The following FAAH2 variants were observed in gnomAD, a reference collection of about 807,000 sequenced individuals.
FAAH2 encodes fatty acid amide hydrolase 2.
In FAAH2, 60 loss-of-function variants were observed where a neutral mutation model predicts 36.9. The observed-to-expected ratio is 1.63, with a 90% confidence interval of 1.32 to 2.02. The LOEUF is 2.02. Ranked by LOEUF, FAAH2 falls within the 30% of genes most tolerant of loss-of-function variation. The pLI is 0.00. For synonymous variants in FAAH2, 214 were observed against 143.8 expected (o/e 1.49, Z -3.49); for missense variants, 689 against 397.5 (o/e 1.73, Z -6.23).
At chrX:57,157,686 C>G in the FAAH2 span, among the ~76,000 whole-genome samples, 1 of 111,909 alleles carries the variant, frequency 8.9e-6, no homozygotes, top group Non-Finnish European at 1.9e-5. Flanking sequence ...TGTGATCAAT[C>G]ACCTGACGTT....
rs1394582342 is a variant in FAAH2 at position 57,428,463 on chromosome X, G to T, written c.997-3455G>T. Among the ~76,000 whole-genome samples the T allele has an allele frequency of 3.6e-5, 4 of 111,590 alleles. No homozygotes were observed. The East Asian group carries it at 8.4e-4, about 23-fold the overall frequency. On this transcript the variant is annotated intron_variant, in intron 7 of 10. Transcript: ENST00000374900. ...ATCCTATGCAAAAGGAACTAAGTCG[G>T]ATGCATCACATTACCTAATTTCAAA...
chrX:57,404,343 A>G (rs374037478), intron 7 of FAAH2, among the ~76,000 whole-genome samples: 1 of 111,556 alleles, frequency 9.0e-6, no homozygotes, highest in Admixed American at 9.5e-5. Flanking sequence ...GTCTTTGTAG[A>G]TGGATTTTGG....
intron 7 of FAAH2, chrX:57,393,400 G>T: frequency 2.6e-6 from 2 of 755,152 alleles, no homozygotes; most frequent in Non-Finnish European, 4.2e-6. Flanking sequence ...GGGATTTGAT[G>T]TTAAGAAACT....
chrX:57,403,624 A>T, intron 7 of FAAH2, among the ~76,000 whole-genome samples: 1 of 112,747 alleles, frequency 8.9e-6, no homozygotes, highest in Non-Finnish European at 1.9e-5. Context: ...TTCTGTAAGT[A>T]TTTTAAGGCT....
intron 7 of FAAH2, among the ~76,000 whole-genome samples, chrX:57,396,633 G>A (rs1351337883): frequency 2.7e-5 from 3 of 111,471 alleles, no homozygotes; most frequent in African/African-American, 6.5e-5. Context: ...CCATGTATTT[G>A]TGTTGTTTTG....
chrX:57,186,224 G>A, the FAAH2 span, among the ~76,000 whole-genome samples: 46 of 111,198 alleles, frequency 4.1e-4, no homozygotes, highest in African/African-American at 1.5e-3. Flanking sequence ...ACATCCTGCC[G>A]GCATCTGTTG....
the FAAH2 span, among the ~76,000 whole-genome samples, chrX:57,189,637 C>G: frequency 1.8e-5 from 2 of 111,500 alleles, no homozygotes; most frequent in South Asian, 7.6e-4. Flanking sequence ...TTCTAACAAT[C>G]AGGCCCGTCT....
At chrX:57,187,335 TG>T in the FAAH2 span, among the ~76,000 whole-genome samples, 1 of 110,643 alleles carries the variant, frequency 9.0e-6, no homozygotes, top group Non-Finnish European at 1.9e-5. Flanking sequence ...CAATTGTGAA[TG>T]GGGGTTCACT....
intron 7 of FAAH2, among the ~76,000 whole-genome samples, chrX:57,423,084 T>G (rs1200372664): frequency 9.0e-6 from 1 of 111,554 alleles, no homozygotes; most frequent in Non-Finnish European, 1.9e-5. Context: ...AAGCACAGGA[T>G]CTGACTTGGT....
At chrX:57,313,010 T>C (rs1051394503) in intron 3 of FAAH2, among the ~76,000 whole-genome samples, 2 of 110,513 alleles carry the variant, frequency 1.8e-5, no homozygotes, top group African/African-American at 6.6e-5. Context: ...ATCCAAGAGA[T>C]GGGAGAAAAA....
At chrX:57,184,626 A>G in the FAAH2 span, among the ~76,000 whole-genome samples, 5 of 112,875 alleles carry the variant, frequency 4.4e-5, no homozygotes, top group South Asian at 3.6e-4. Context: ...TCTGAACAGT[A>G]AAAGTTCCAA....
At chrX:57,324,958 A>T (rs1476984274) in intron 3 of FAAH2, among the ~76,000 whole-genome samples, 5 of 112,175 alleles carry the variant, frequency 4.5e-5, no homozygotes, top group African/African-American at 6.5e-5. Flanking sequence ...CCCATTCAGT[A>T]TGATATTGGC....
chrX:57,439,461 C>A (rs1302681811), intron 8 of FAAH2, among the ~76,000 whole-genome samples: 1 of 111,081 alleles, frequency 9.0e-6, no homozygotes, highest in Admixed American at 9.6e-5. Context: ...TTGTTTTTTT[C>A]TTGTAAATTT....
At chrX:57,329,079 C>T (rs1007553155) in intron 3 of FAAH2, among the ~76,000 whole-genome samples, 1 of 112,003 alleles carries the variant, frequency 8.9e-6, no homozygotes, top group Admixed American at 9.5e-5. Flanking sequence ...TTGCAACTCC[C>T]ACTGCAGTAT....
At chrX:57,240,698 G>A in the FAAH2 span, among the ~76,000 whole-genome samples, 399 of 112,277 alleles carry the variant, frequency 3.6e-3, 2 homozygotes, top group African/African-American at 0.013. Flanking sequence ...GGAGACTGTG[G>A]GTGAGTGCAC....
At chrX:57,272,318 T>G in the FAAH2 span, among the ~76,000 whole-genome samples, 2 of 111,166 alleles carry the variant, frequency 1.8e-5, no homozygotes, top group Non-Finnish European at 3.8e-5. Context: ...TGGAACCAAG[T>G]TGGAAAACAC....
intron 3 of FAAH2, among the ~76,000 whole-genome samples, chrX:57,321,065 A>G (rs2053007116): frequency 9.1e-6 from 1 of 110,066 alleles, no homozygotes; most frequent in South Asian, 4.0e-4. Context: ...GCGTGAATCT[A>G]GGAGGCGGAG....
At chrX:57,192,827 C>T in the FAAH2 span, among the ~76,000 whole-genome samples, 2 of 111,991 alleles carry the variant, frequency 1.8e-5, no homozygotes, top group African/African-American at 3.2e-5. Flanking sequence ...TTCATGGACG[C>T]TTATCACTTC....
At chrX:57,172,037 C>T in the FAAH2 span, among the ~76,000 whole-genome samples, 1 of 111,289 alleles carries the variant, frequency 9.0e-6, no homozygotes, top group Non-Finnish European at 1.9e-5. Context: ...TTTTTGTATG[C>T]TTTGTTGACC....
Sources: gnomAD v4.1 joint callset for allele counts (sites outside exome capture counted in the v4.1 genomes callset) on GRCh38, gnomAD v4.1.1 for gene constraint, MANE v1.5 for transcripts, NCBI Gene and HGNC (gene_info 2026-07-23, HGNC 2026-07-21) for gene names.